GBE1: variants seen among roughly 807,000 people sequenced by gnomAD.
The protein encoded by GBE1 is 1,4-alpha-glucan-branching enzyme.
Under a neutral mutation model 88.8 loss-of-function variants are expected in GBE1, and 70 were observed. The observed-to-expected ratio is 0.79, with a 90% CI of 0.65 to 0.96. The LOEUF is 0.96. Among genes scored for constraint, GBE1 ranks in the 40% least tolerant of loss-of-function variants. The pLI is 0.00. For missense variants in GBE1, 872 were observed against 871.0 expected (o/e 1.00, Z -0.01); for synonymous variants, 284 against 300.1 (o/e 0.95, Z 0.56).
chr3:81,531,420 G>C (rs540188206), intron 14 of GBE1, among the ~76,000 whole-genome samples: 3 of 151,700 alleles, frequency 2.0e-5, no homozygotes, highest in Admixed American at 2.0e-4. Context: ...AACACATCTG[G>C]GAATGTGCCG....
intron 14 of GBE1, among the ~76,000 whole-genome samples, chr3:81,510,678 C>T (rs1702714063): frequency 6.6e-6 from 1 of 151,922 alleles, no homozygotes; most frequent in African/African-American, 2.4e-5. Flanking sequence ...TCAATCACCA[C>T]TAAAGAACTT....
chr3:81,529,918 G>GTC (rs143064853), intron 14 of GBE1, among the ~76,000 whole-genome samples: 68 of 149,656 alleles, frequency 4.5e-4, no homozygotes, highest in African/African-American at 1.1e-3. Context: ...GAATGAATCA[G>GTC]TCTCTCTCTC....
intron 14 of GBE1, among the ~76,000 whole-genome samples, chr3:81,528,508 A>C (rs1360510438): frequency 6.6e-6 from 1 of 152,018 alleles, no homozygotes; most frequent in Non-Finnish European, 1.5e-5. Context: ...GGTCTATAGC[A>C]CAGATTACAT....
intron 1 of GBE1, among the ~76,000 whole-genome samples, chr3:81,709,295 T>C (rs1169696429): frequency 1.3e-5 from 2 of 152,160 alleles, no homozygotes; most frequent in African/African-American, 2.4e-5. Context: ...CTTTAAATCA[T>C]ATGAGAAAAG....
intron 2 of GBE1, among the ~76,000 whole-genome samples, chr3:81,694,039 G>A (rs1705557067): frequency 6.6e-6 from 1 of 152,138 alleles, no homozygotes; most frequent in South Asian, 2.1e-4. Context: ...AAGAAATAAA[G>A]TACCATCTTT....
At chr3:81,749,093 C>T (rs1334918870) in intron 1 of GBE1, among the ~76,000 whole-genome samples, 1 of 151,786 alleles carries the variant, frequency 6.6e-6, no homozygotes, top group Non-Finnish European at 1.5e-5. Flanking sequence ...CCAGCTATCA[C>T]AGCATTCTGT....
At chr3:81,709,297 T>C (rs1705821024) in intron 1 of GBE1, among the ~76,000 whole-genome samples, 1 of 152,152 alleles carries the variant, frequency 6.6e-6, no homozygotes, top group South Asian at 2.1e-4. Flanking sequence ...TTAAATCATA[T>C]GAGAAAAGGT....
chr3:81,722,438 T>C (rs1035435850), intron 1 of GBE1, among the ~76,000 whole-genome samples: 10 of 152,018 alleles, frequency 6.6e-5, no homozygotes, highest in African/African-American at 2.4e-4. Flanking sequence ...TTATCTCTGT[T>C]TTTCTATTTT....
At chr3:81,626,703 C>A (rs1704421243) in intron 7 of GBE1, among the ~76,000 whole-genome samples, 1 of 149,020 alleles carries the variant, frequency 6.7e-6, no homozygotes, top group South Asian at 2.1e-4. Flanking sequence ...AGAGCCAGAT[C>A]CTTCAAAACC....
At chr3:81,687,513 T>G (rs1344789497) in intron 2 of GBE1, among the ~76,000 whole-genome samples, 1 of 152,102 alleles carries the variant, frequency 6.6e-6, no homozygotes, top group Non-Finnish European at 1.5e-5. Context: ...ATTACGTGAA[T>G]GAAAAATGAG....
chr3:81,501,143 A>G (rs1702581347), intron 14 of GBE1, among the ~76,000 whole-genome samples: 1 of 152,206 alleles, frequency 6.6e-6, no homozygotes, highest in South Asian at 2.1e-4. Context: ...ATTAGACCCA[A>G]ACATTTAATG....
At chr3:81,596,736 T>C (rs887446481) in intron 7 of GBE1, among the ~76,000 whole-genome samples, 8 of 151,814 alleles carry the variant, frequency 5.3e-5, no homozygotes, top group African/African-American at 1.7e-4. Flanking sequence ...CAAATATACA[T>C]TAAAGATCCA....
At chr3:81,639,305 C>A (rs545595410) in intron 7 of GBE1, among the ~76,000 whole-genome samples, 1 of 151,312 alleles carries the variant, frequency 6.6e-6, no homozygotes, top group African/African-American at 2.4e-5. Flanking sequence ...TTTAAATTTT[C>A]TAATTACAAT....
intron 7 of GBE1, among the ~76,000 whole-genome samples, chr3:81,611,221 C>T (rs190146083): frequency 8.5e-5 from 13 of 152,168 alleles, no homozygotes; most frequent in East Asian, 3.9e-4. Context: ...AAGGATGTGG[C>T]GGATGCATTC....
chr3:81,545,344 A>G (rs1053943484), intron 12 of GBE1, among the ~76,000 whole-genome samples: 1 of 152,196 alleles, frequency 6.6e-6, no homozygotes, highest in Non-Finnish European at 1.5e-5. Context: ...GCTCCAGTGC[A>G]CTGTACCTGA....
At chr3:81,686,118 G>A (rs1705434236) in intron 2 of GBE1, among the ~76,000 whole-genome samples, 1 of 152,244 alleles carries the variant, frequency 6.6e-6, no homozygotes, top group African/African-American at 2.4e-5. Context: ...GGATGAAAAC[G>A]AAGGAGTGCA....
chr3:81,542,821 C>T (rs569999320), intron 12 of GBE1, among the ~76,000 whole-genome samples: 2 of 152,186 alleles, frequency 1.3e-5, no homozygotes, highest in South Asian at 4.1e-4. Context: ...ACATAACAAA[C>T]TGCCCATGTA....
intron 12 of GBE1, among the ~76,000 whole-genome samples, chr3:81,548,296 T>G (rs12631775): frequency 0.31 from 46,505 of 151,070 alleles, 8,291 homozygotes; most frequent in East Asian, 0.44. Flanking sequence ...AAACATTAAA[T>G]TTGGGTAGAC....
chr3:81,640,458 A>G (rs189357036), intron 7 of GBE1, among the ~76,000 whole-genome samples: 3 of 152,084 alleles, frequency 2.0e-5, no homozygotes, highest in Admixed American at 1.3e-4. Flanking sequence ...TTCACCACAG[A>G]CTGAAGGCTG....
Sources: allele counts gnomAD v4.1 joint callset (sites outside exome capture counted in the v4.1 genomes callset), GRCh38; gene constraint gnomAD v4.1.1; transcripts MANE v1.5; gene names NCBI Gene and HGNC (gene_info 2026-07-23, HGNC 2026-07-21).